The following CIROZ variants were observed in gnomAD, a reference collection of about 807,000 sequenced individuals.
CIROZ encodes the protein ciliated left-right organizer ZP-N domains-containing protein.
the CIROZ span, among the ~76,000 whole-genome samples, chr1:10,952,110 G>A: frequency 5.3e-5 from 8 of 152,232 alleles, no homozygotes; most frequent in South Asian, 2.1e-4. Flanking sequence ...ATAAGAAGCC[G>A]AACAGGACAC....
the CIROZ span, chr1:10,953,916 G>A: frequency 6.8e-7 from 1 of 1,463,178 alleles, no homozygotes; most frequent in Non-Finnish European, 9.1e-7. Flanking sequence ...GGTCCAGGGA[G>A]TGAAACATTG....
chr1:10,957,202 T>A, the CIROZ span: 1 of 955,382 alleles, frequency 1.0e-6, no homozygotes, highest in Non-Finnish European at 1.5e-6. Flanking sequence ...ACCTTCGAAT[T>A]AGTCTCTGAA....
chr1:10,956,498 T>C, the CIROZ span, among the ~76,000 whole-genome samples: 1 of 150,212 alleles, frequency 6.7e-6, no homozygotes, highest in Admixed American at 6.7e-5. Context: ...TTTTTTGAGA[T>C]GGAGTCTCGC....
chr1:10,966,444 C>T, the CIROZ span: 2 of 1,536,430 alleles, frequency 1.3e-6, no homozygotes, highest in Non-Finnish European at 1.7e-6. Flanking sequence ...CCACATTTAG[C>T]AAGAGAAGAA....
chr1:10,956,772 C>T, the CIROZ span, among the ~76,000 whole-genome samples: 5 of 152,092 alleles, frequency 3.3e-5, no homozygotes, highest in East Asian at 1.9e-4. Flanking sequence ...CCACCGCGCC[C>T]GGCCGATGAT....
the CIROZ span, chr1:10,957,797 C>A: frequency 1.3e-6 from 2 of 1,587,742 alleles, no homozygotes; most frequent in Non-Finnish European, 1.7e-6. Flanking sequence ...GCCAGGGAGG[C>A]ACGGTCACTA....
At chr1:10,948,304 C>A in the CIROZ span, 40 of 1,613,638 alleles carry the variant, frequency 2.5e-5, no homozygotes, top group South Asian at 4.4e-4. Flanking sequence ...TGGGGCTCTC[C>A]GGGAGAACGG....
At chr1:10,966,626 A>G in the CIROZ span, 1 of 975,522 alleles carries the variant, frequency 1.0e-6, no homozygotes, top group Non-Finnish European at 1.4e-6. Context: ...AGTAATTTTT[A>G]AAAGTCTGGA....
At chr1:10,949,851 AG>A in the CIROZ span, 1 of 1,495,420 alleles carries the variant, frequency 6.7e-7, no homozygotes, top group Non-Finnish European at 9.0e-7. Flanking sequence ...CTTCCTCCTA[AG>A]GAAGCAAAAT....
At chr1:10,953,321 A>G in the CIROZ span, among the ~76,000 whole-genome samples, 1 of 152,204 alleles carries the variant, frequency 6.6e-6, no homozygotes, top group African/African-American at 2.4e-5. Context: ...ATCGTTTGTG[A>G]ATTACGTGCA....
At chr1:10,957,839 A>C in the CIROZ span, 1 of 1,433,480 alleles carries the variant, frequency 7.0e-7, no homozygotes, top group Non-Finnish European at 9.5e-7. Flanking sequence ...TTGAAGGGTC[A>C]CCTAGGAAGG....
At chr1:10,970,853 T>C in the CIROZ span, among the ~76,000 whole-genome samples, 1 of 150,898 alleles carries the variant, frequency 6.6e-6, no homozygotes, top group Non-Finnish European at 1.5e-5. Context: ...ATGGTACATA[T>C]ATGAGTACTC....
the CIROZ span, among the ~76,000 whole-genome samples, chr1:10,968,737 A>G: frequency 6.6e-6 from 1 of 152,158 alleles, no homozygotes; most frequent in Non-Finnish European, 1.5e-5. Flanking sequence ...CTCTTCCTCA[A>G]AAGCCACAGG....
At chr1:10,976,766 C>T in the CIROZ span, among the ~76,000 whole-genome samples, 5 of 150,794 alleles carry the variant, frequency 3.3e-5, no homozygotes, top group East Asian at 9.7e-4. Context: ...AATAATCAGG[C>T]TCAGAAGAAA....
the CIROZ span, chr1:10,953,937 A>C: frequency 6.7e-7 from 1 of 1,491,960 alleles, no homozygotes; most frequent in Non-Finnish European, 8.9e-7. Flanking sequence ...TCACAGAAGA[A>C]AGAACCCCAG....
chr1:10,961,629 G>A, the CIROZ span, among the ~76,000 whole-genome samples: 1 of 152,152 alleles, frequency 6.6e-6, no homozygotes, highest in Admixed American at 6.6e-5. Flanking sequence ...ACAGGGCTGG[G>A]CATACAATAG....
chr1:10,953,393 G>T, the CIROZ span, among the ~76,000 whole-genome samples: 1 of 152,218 alleles, frequency 6.6e-6, no homozygotes, highest in Non-Finnish European at 1.5e-5. Context: ...TGAATACCAG[G>T]TTGTCCATTA....
At chr1:10,972,542 C>T in the CIROZ span, among the ~76,000 whole-genome samples, 18 of 151,904 alleles carry the variant, frequency 1.2e-4, no homozygotes, top group Admixed American at 9.8e-4. Flanking sequence ...TCAACAGAGA[C>T]ATTTAAGCCA....
chr1:10,953,603 T>G, the CIROZ span, among the ~76,000 whole-genome samples: 2 of 152,250 alleles, frequency 1.3e-5, no homozygotes, highest in East Asian at 3.8e-4. Context: ...GCTCTTCTTG[T>G]GCCAGGCACT....
Sources: allele counts gnomAD v4.1 joint callset (sites outside exome capture counted in the v4.1 genomes callset), GRCh38; gene constraint gnomAD v4.1.1; transcripts MANE v1.5; gene names NCBI Gene and HGNC (gene_info 2026-07-23, HGNC 2026-07-21).